Variants in AK5 observed in about 807,000 individuals in gnomAD.
AK5 encodes the protein adenylate kinase isoenzyme 5.
Under a neutral mutation model 69.5 loss-of-function variants are expected in AK5, and 27 were observed. The ratio of observed to expected loss-of-function variants is 0.39; its 90% CI spans 0.29 to 0.54. AK5 has a LOEUF of 0.54. AK5 is among the 20% of genes least tolerant of loss of function. The pLI is 0.71. For missense variants in AK5, 531 were observed against 700.4 expected, an observed-to-expected ratio of 0.76 and a Z score of 2.73; for synonymous variants, 260 against 244.4, an observed-to-expected ratio of 1.06 and a Z score of -0.60.
At chr1:77,417,852 A>G in intron 8 of AK5, 137 bp downstream of exon 8, 1 of 568,332 alleles carries the variant, frequency 1.8e-6, no homozygotes, top group East Asian at 3.1e-5. Flanking sequence ...TACATGATAA[A>G]TTACAGTAGT....
chr1:77,285,907 G>A (rs567466371), intron 1 of AK5, among the ~76,000 whole-genome samples: 11 of 152,154 alleles, frequency 7.2e-5, no homozygotes, highest in African/African-American at 2.2e-4. Context: ...GCCAGGGAAA[G>A]CATCAGTATC....
At position 77,518,702 on chromosome 1, in the gene AK5, T is replaced by C. The variant is rs771858167; in HGVS notation, c.1286T>C (p.Met429Thr). 7 of 1,614,100 alleles carry C rather than the reference T, an allele frequency of 4.3e-6. No homozygotes were observed. Among genetic ancestry groups the C allele is most frequent in the Non-Finnish European group, 4.2e-6 (5 of 1,180,040 alleles). ...AGAAGCAAATTGATCAGAGACATTA[T>C]GGAACGTGGAGACCTGGTGCCCTCA... The part of the protein sequence containing the change: ...SERSKLIRDI[M>T]ERGDLVPSGI... Residue 429 changes from methionine (M) to threonine (T), a missense_variant, in exon 11 of 14, where the codon ATG becomes ACG. Coordinates refer to ENST00000354567, the MANE Select transcript of AK5 (RefSeq NM_174858.3).
intron 8 of AK5, among the ~76,000 whole-genome samples, chr1:77,457,971 C>T (rs142258975): frequency 1.3e-5 from 2 of 152,098 alleles, no homozygotes; most frequent in Non-Finnish European, 2.9e-5. Context: ...GCATGGTGCC[C>T]AGCCCCTGTG....
intron 10 of AK5, among the ~76,000 whole-genome samples, chr1:77,515,623 C>T (rs1385784135): frequency 6.6e-6 from 1 of 152,178 alleles, no homozygotes; most frequent in African/African-American, 2.4e-5. Flanking sequence ...AAGAGTAAGA[C>T]AGGCAGGGAG....
rs185625034 is a variant in AK5 at position 77,374,413 on chromosome 1, T to C, written c.891+33845T>C. Among the ~76,000 whole-genome samples, 444 of 130,062 alleles carry C rather than the reference T, an allele frequency of 3.4e-3. 7 individuals are homozygous for C. The highest frequency in any genetic ancestry group is 0.012 in the African/African-American group (429 of 35,824). 85.3% of individuals were successfully genotyped at this position (130,062 alleles called of 152,430 possible). ...TTCAGTCCTTTTATGCCAATTGAGG[T>C]AATGCTTTTTTTTTTTTTTTTTTAA... On this transcript the variant is annotated intron_variant, in intron 6 of 13. Coordinates refer to ENST00000354567, the MANE Select transcript of AK5 (RefSeq NM_174858.3).
intron 8 of AK5, among the ~76,000 whole-genome samples, chr1:77,460,866 G>T (rs1653790850): frequency 6.6e-6 from 1 of 151,662 alleles, no homozygotes; most frequent in Admixed American, 6.6e-5. Context: ...TAGGATTACA[G>T]GCACGTACCA....
At position 77,488,160 on chromosome 1, in the gene AK5, C is replaced by A. The variant is rs371932793; in HGVS notation, c.1147+1808C>A. Among the ~76,000 whole-genome samples, 6 of 152,108 alleles carry A rather than the reference C, an allele frequency of 3.9e-5. No homozygotes were observed. The East Asian group carries it at 5.8e-4, about 15-fold the overall frequency. On this transcript the variant is annotated intron_variant, in intron 10 of 13. Coordinates refer to ENST00000354567, the MANE Select transcript of AK5 (RefSeq NM_174858.3). ...AAGCAGTGGGAATTCTTGAGACCTA[C>A]CTTAGTTCCAGTTGTCATCTGCTTA...
chr1:77,486,236 T>C (rs1214003900), intron 9 of AK5, 72 bp from the exon 10 acceptor site: 1 of 1,022,450 alleles, frequency 9.8e-7, no homozygotes, highest in East Asian at 2.6e-5. Flanking sequence ...TGGGTTTTTA[T>C]ATAATATGAG....
At chr1:77,376,451 C>CAAAAAA (rs762576175) in intron 6 of AK5, among the ~76,000 whole-genome samples, 2 of 41,036 alleles carry the variant, frequency 4.9e-5, no homozygotes, top group African/African-American at 1.8e-4. Flanking sequence ...AAAAAAAAAA[C>CAAAAAA]AAAAAAAAAA....
chr1:77,543,171 C>A (rs1659367821), intron 13 of AK5, among the ~76,000 whole-genome samples: 1 of 152,142 alleles, frequency 6.6e-6, no homozygotes, highest in Admixed American at 6.6e-5. Context: ...GAAGTTTCTG[C>A]AGTTTCTGGT....
chr1:77,367,579 A>AATATATATAT (rs1646984257), intron 6 of AK5, among the ~76,000 whole-genome samples: 3 of 53,362 alleles, frequency 5.6e-5, no homozygotes, highest in Non-Finnish European at 9.2e-5. Context: ...ATATATATAT[A>AATATATATAT]ATATATATGT....
chr1:77,349,018 A>G (rs1462411126), intron 6 of AK5, among the ~76,000 whole-genome samples: 1 of 152,216 alleles, frequency 6.6e-6, no homozygotes, highest in African/African-American at 2.4e-5. Context: ...ACCTGGCACT[A>G]TAGTTAAATT....
chr1:77,484,272 G>A (rs1227741273), intron 9 of AK5, among the ~76,000 whole-genome samples: 1 of 151,714 alleles, frequency 6.6e-6, no homozygotes, highest in Non-Finnish European at 1.5e-5. Flanking sequence ...AAAAAGAAAA[G>A]GTTCATAATT....
chr1:77,444,217 CTT>C lies in AK5; in HGVS notation c.1059+26503_1059+26504del, dbSNP rs1303937191. 1.5e-4 allele frequency among the ~76,000 whole-genome samples: 17 copies of C among 114,404 alleles called. 1 individual carries two copies. Among genetic ancestry groups the C allele is most frequent in the Non-Finnish European group, 2.3e-4 (13 of 56,010 alleles). 75.1% of individuals were successfully genotyped at this position (114,404 alleles called of 152,430 possible). A position where few individuals can be genotyped will look rare whatever the true frequency, so the allele number is the denominator to read the frequency against. ...GTGGTATATATATATATATATACCA[CTT>C]ATGTATATATATATAGTATATATAT... On this transcript the variant is annotated intron_variant, in intron 8 of 13. Coordinates refer to ENST00000354567, the MANE Select transcript of AK5 (RefSeq NM_174858.3).
At chr1:77,414,142 C>T (rs10873937) in intron 7 of AK5, among the ~76,000 whole-genome samples, 25,938 of 152,118 alleles carry the variant, frequency 0.17, 2,428 homozygotes, top group African/African-American at 0.25. Context: ...TCATTTGGTA[C>T]GTATGCATTG....
chr1:77,283,829 T>G (rs990395933), intron 1 of AK5, among the ~76,000 whole-genome samples: 1 of 152,210 alleles, frequency 6.6e-6, no homozygotes, highest in African/African-American at 2.4e-5. Context: ...TACTGAGATA[T>G]ATTTCATTTC....
intron 8 of AK5, among the ~76,000 whole-genome samples, chr1:77,452,695 T>C (rs950868757): frequency 1.3e-5 from 2 of 152,232 alleles, no homozygotes; most frequent in Non-Finnish European, 2.9e-5. Flanking sequence ...CAGTCCTTCA[T>C]TCAGCCAAGC....
chr1:77,447,129 G>C (rs1241981274), intron 8 of AK5, among the ~76,000 whole-genome samples: 1 of 152,248 alleles, frequency 6.6e-6, no homozygotes, highest in African/African-American at 2.4e-5. Context: ...ACTTGCCACA[G>C]TTGGTTCAGG....
chr1:77,476,389 TTA>T (rs1482760057), intron 8 of AK5, among the ~76,000 whole-genome samples: 1 of 152,206 alleles, frequency 6.6e-6, no homozygotes, highest in Non-Finnish European at 1.5e-5. Context: ...TAAAATGTAC[TTA>T]TGTTTGTATT....
Sources: allele counts gnomAD v4.1 joint callset (sites outside exome capture counted in the v4.1 genomes callset), GRCh38; gene constraint gnomAD v4.1.1; transcripts MANE v1.5; gene names NCBI Gene and HGNC (gene_info 2026-07-23, HGNC 2026-07-21).